TDRD12: variants seen among roughly 807,000 people sequenced by gnomAD.
The protein encoded by TDRD12 is putative ATP-dependent RNA helicase TDRD12.
A neutral mutation model predicts 133.5 loss-of-function variants in TDRD12; 158 were observed. The ratio of observed to expected loss-of-function variants is 1.18; its 90% CI spans 1.04 to 1.35. The LOEUF (loss-of-function observed/expected upper bound fraction) is 1.35. TDRD12 is among the 40% of genes most tolerant of loss of function. TDRD12 has a pLI of 0.00. For synonymous variants in TDRD12, 460 were observed against 477.9 expected (o/e 0.96, Z 0.49); for missense variants, 1,443 against 1,321.3 (o/e 1.09, Z -1.43).
At chr19:32,803,268 G>A (rs977857966) in intron 21 of TDRD12, 126 bp downstream of exon 21, 8 of 694,688 alleles carry the variant, frequency 1.2e-5, no homozygotes, top group Non-Finnish European at 1.9e-5. Flanking sequence ...CAGTCTGGGG[G>A]TTCCCTCGCA....
At chr19:32,822,137 A>G (rs1967419021), downstream of TDRD12, among the ~76,000 whole-genome samples, 1 of 151,698 alleles carries the variant, frequency 6.6e-6, no homozygotes. Flanking sequence ...AACAAAAACA[A>G]AAACAAAACT....
chr19:32,749,359 G>A (rs1297768256), intron 5 of TDRD12, among the ~76,000 whole-genome samples: 1 of 152,108 alleles, frequency 6.6e-6, no homozygotes, highest in East Asian at 1.9e-4. Context: ...AACCTTGAAG[G>A]TAGTGGTAAG....
intron 21 of TDRD12, among the ~76,000 whole-genome samples, chr19:32,805,358 G>C (rs1971516871): frequency 1.3e-5 from 2 of 150,868 alleles, no homozygotes; most frequent in South Asian, 4.2e-4. Flanking sequence ...ACTCCAGCCT[G>C]GGTGATAGAA....
rs199532433 is a variant in TDRD12 at position 32,802,190 on chromosome 19, G to GATATATATGATAGTGATC, written c.2197+353_2197+370dup. On this transcript the variant is annotated intron_variant, in intron 19 of 27. Transcript: ENST00000444215. ...TAATATATATCATATATATGATAGT[G>GATATATATGATAGTGATC]ATATATATGATAGTGATCATATATA... is the stretch of plus-strand genomic sequence containing the variant. Among the ~76,000 whole-genome samples, 522 of 140,632 alleles carry GATATATATGATAGTGATC rather than the reference G, an allele frequency of 3.7e-3. 3 individuals are homozygous for GATATATATGATAGTGATC. Among genetic ancestry groups the GATATATATGATAGTGATC allele is most frequent in the African/African-American group, 0.013 (472 of 36,802 alleles). 92.3% of individuals were successfully genotyped at this position (140,632 alleles called of 152,430 possible).
chr19:32,728,117 G>A (rs924553105), intron 1 of TDRD12, among the ~76,000 whole-genome samples: 1 of 152,130 alleles, frequency 6.6e-6, no homozygotes, highest in African/African-American at 2.4e-5. Context: ...TACTCTGTTG[G>A]TCTATATGTC....
Position 32,826,619 on chromosome 19 carries a change from C to A in TDRD12, c.1049+21C>A, listed in dbSNP as rs1016085854. ...AGAGGGTGAGTTGGGATGCACTCAG[C>A]GGGTGGTCTTTACCCTGCGTGTGTC... is the stretch of plus-strand genomic sequence containing the variant. On this transcript the variant is annotated intron_variant, in intron 9 of 9. Transcript: ENST00000637289. 7.3e-6 allele frequency: 9 copies of A among 1,235,768 alleles called. No homozygotes were observed. In the East Asian group the frequency reaches 2.8e-4, roughly 39 times the overall value. 76.6% of individuals were successfully genotyped at this position (1,235,768 alleles called of 1,614,324 possible). A position where few individuals can be genotyped will look rare whatever the true frequency, so the allele number is the denominator to read the frequency against.
At chr19:32,812,246 C>T (rs1967031495) in intron 24 of TDRD12, among the ~76,000 whole-genome samples, 1 of 152,222 alleles carries the variant, frequency 6.6e-6, no homozygotes, top group African/African-American at 2.4e-5. Context: ...GTCTCAGGCA[C>T]TGTCCAGGTG....
At chr19:32,730,323 T>A (rs1969009085) in intron 1 of TDRD12, among the ~76,000 whole-genome samples, 1 of 152,118 alleles carries the variant, frequency 6.6e-6, no homozygotes, top group East Asian at 1.9e-4. Flanking sequence ...TGCAGCTGGT[T>A]AACACCACGT....
At chr19:32,755,759 T>C (rs796803940) in intron 6 of TDRD12, among the ~76,000 whole-genome samples, 6 of 152,362 alleles carry the variant, frequency 3.9e-5, no homozygotes, top group African/African-American at 1.4e-4. Context: ...ACAGTGCGTA[T>C]GTCCAAGAAG....
intron 1 of TDRD12, among the ~76,000 whole-genome samples, chr19:32,724,222 A>G (rs1968785643): frequency 6.6e-6 from 1 of 152,076 alleles, no homozygotes; most frequent in Middle Eastern, 3.2e-3. Context: ...TTGAATTATT[A>G]TTTTTTAATT....
At chr19:32,744,865 G>T (rs1446780866) in intron 4 of TDRD12, among the ~76,000 whole-genome samples, 1 of 152,148 alleles carries the variant, frequency 6.6e-6, no homozygotes, top group Non-Finnish European at 1.5e-5. Context: ...GACTCCACTG[G>T]CATGCCATGT....
exon 2 of TDRD12, chr19:32,731,769 T>A (rs770958907): frequency 6.4e-7 from 1 of 1,550,746 alleles, no homozygotes. Context: ...AAGGGTGTAG[T>A]CCCTTTTTAG....
exon 10 of TDRD12, chr19:32,827,210 A>G: frequency 8.1e-7 from 1 of 1,232,104 alleles, no homozygotes; most frequent in Non-Finnish European, 1.0e-6. Context: ...AGGTGGTTGA[A>G]GACAGTAGCA....
intron 1 of TDRD12, among the ~76,000 whole-genome samples, chr19:32,730,251 A>G (rs1029891959): frequency 2.0e-5 from 3 of 152,220 alleles, no homozygotes; most frequent in African/African-American, 7.2e-5. Flanking sequence ...TCAAGCTGCT[A>G]TGGCAGCCCC....
intron 8 of TDRD12, among the ~76,000 whole-genome samples, chr19:32,766,776 G>A (rs1281030488): frequency 6.6e-6 from 1 of 151,920 alleles, no homozygotes; most frequent in South Asian, 2.1e-4. Context: ...CACCACGCCC[G>A]GCTAGTTTTT....
chr19:32,803,928 G>A (rs1428844409), intron 21 of TDRD12, among the ~76,000 whole-genome samples: 1 of 151,998 alleles, frequency 6.6e-6, no homozygotes, highest in East Asian at 1.9e-4. Flanking sequence ...TTTCTTCTTG[G>A]TTTGTCGGGG....
intron 26 of TDRD12, among the ~76,000 whole-genome samples, chr19:32,816,812 C>T (rs1450058991): frequency 1.3e-5 from 2 of 152,110 alleles, no homozygotes; most frequent in Non-Finnish European, 2.9e-5. Context: ...CTCCTTCCAG[C>T]CAGGAGGAAA....
chr19:32,726,516 A>G (rs1397610033), intron 1 of TDRD12, among the ~76,000 whole-genome samples: 2 of 152,188 alleles, frequency 1.3e-5, no homozygotes, highest in Middle Eastern at 3.2e-3. Context: ...CATACAGTTT[A>G]TCCTTTTGTG....
In TDRD12 at chr19:32,818,145, A is replaced by AG. The variant is rs1331884293; in HGVS notation, c.3378dup (p.Gln1127AlafsTer18). ...GACCAGGATCATCCATCCGAGGAGC[A>AG]GGGGGGGCAGGGGTGAGTAAGAACA... On this transcript the variant is annotated frameshift_variant, in exon 27 of 28. Coordinates refer to ENST00000444215, the Ensembl canonical transcript of TDRD12. LOFTEE classifies it low-confidence loss of function (END_TRUNC). 6.8e-5 allele frequency: 48 copies of AG among 701,478 alleles called. No individual in the cohort carries two copies. The highest frequency in any genetic ancestry group is 5.9e-4 in the East Asian group (22 of 37,240). 43.5% of individuals were successfully genotyped at this position (701,478 alleles called of 1,614,324 possible).
Sources: allele counts gnomAD v4.1 joint callset (sites outside exome capture counted in the v4.1 genomes callset), GRCh38; gene constraint gnomAD v4.1.1; transcripts MANE v1.5; gene names NCBI Gene and HGNC (gene_info 2026-07-23, HGNC 2026-07-21).